STT3B: variants seen among roughly 807,000 people sequenced by gnomAD.
STT3B encodes the protein STT3 oligosaccharyltransferase complex catalytic subunit B.
A neutral mutation model predicts 96.8 loss-of-function variants in STT3B; 29 were observed. That is an observed-to-expected ratio of 0.30 (90% CI 0.22 to 0.41). The LOEUF (loss-of-function observed/expected upper bound fraction) is 0.41, where lower values mean the gene tolerates loss of function less well. Among genes scored for constraint, STT3B ranks in the 10% least tolerant of loss-of-function variants. The probability of loss-of-function intolerance (pLI) is 1.00; values close to 1 mark genes in which losing one functional copy is unlikely to be tolerated. For synonymous variants in STT3B, 367 were observed against 360.0 expected, an observed-to-expected ratio of 1.02 and a Z score of -0.22; for missense variants, 640 against 1,022.3, an observed-to-expected ratio of 0.63 and a Z score of 5.10.
At chr3:31,610,785 A>G (rs1398633930) in intron 5 of STT3B, among the ~76,000 whole-genome samples, 2 of 152,134 alleles carry the variant, frequency 1.3e-5, no homozygotes, top group Non-Finnish European at 2.9e-5. Context: ...ATAATAATAT[A>G]TGTGTGTGTA....
At chr3:31,540,313 A>G (rs1489951624) in intron 1 of STT3B, among the ~76,000 whole-genome samples, 1 of 152,008 alleles carries the variant, frequency 6.6e-6, no homozygotes, top group Non-Finnish European at 1.5e-5. Flanking sequence ...TTAAAACTTT[A>G]TTCTTTTTTA....
chr3:31,568,846 C>G (rs1191845727), intron 1 of STT3B, among the ~76,000 whole-genome samples: 2 of 152,116 alleles, frequency 1.3e-5, no homozygotes, highest in African/African-American at 4.8e-5. Flanking sequence ...GCAAAGGCAG[C>G]TCCTTGTGAC....
chr3:31,569,354 C>G (rs962224755), intron 1 of STT3B, among the ~76,000 whole-genome samples: 4 of 152,096 alleles, frequency 2.6e-5, no homozygotes, highest in Non-Finnish European at 5.9e-5. Context: ...AAAACATAAC[C>G]ATTTTTTTCC....
At chr3:31,587,267 A>AAAG (rs1553605105) in intron 3 of STT3B, among the ~76,000 whole-genome samples, 2 of 151,452 alleles carry the variant, frequency 1.3e-5, no homozygotes, top group South Asian at 2.1e-4. Flanking sequence ...TAACACTCCA[A>AAAG]AAAGCCTCGC....
chr3:31,592,194 T>C (rs1490155277), intron 3 of STT3B, among the ~76,000 whole-genome samples: 1 of 152,208 alleles, frequency 6.6e-6, no homozygotes, highest in Non-Finnish European at 1.5e-5. Context: ...ATACTTCACA[T>C]AGGTGGAATC....
chr3:31,592,526 A>G (rs994503706), intron 3 of STT3B, among the ~76,000 whole-genome samples: 1 of 152,138 alleles, frequency 6.6e-6, no homozygotes, highest in African/African-American at 2.4e-5. Flanking sequence ...TTTCCACAAC[A>G]GCAGTATCAT....
intron 1 of STT3B, among the ~76,000 whole-genome samples, chr3:31,563,165 A>G (rs2125445581): frequency 6.6e-6 from 1 of 152,188 alleles, no homozygotes; most frequent in Middle Eastern, 3.4e-3. Context: ...GTTCTCTCTC[A>G]GGTGATCTTT....
chr3:31,581,774 T>C (rs1698409198), intron 3 of STT3B, among the ~76,000 whole-genome samples: 1 of 152,188 alleles, frequency 6.6e-6, no homozygotes, highest in African/African-American at 2.4e-5. Context: ...TTAGTGTTGG[T>C]TCAGTTCTTT....
chr3:31,631,704 T>G (rs966347210), intron 14 of STT3B, among the ~76,000 whole-genome samples: 22 of 151,980 alleles, frequency 1.4e-4, no homozygotes, highest in Admixed American at 6.6e-5. Context: ...CCCAGAACTT[T>G]GGGAGGTTAG....
chr3:31,606,778 A>G (rs1165214055), intron 5 of STT3B, among the ~76,000 whole-genome samples: 2 of 152,200 alleles, frequency 1.3e-5, no homozygotes, highest in African/African-American at 4.8e-5. Flanking sequence ...GAAGAGAGCT[A>G]CCGTCTTCCA....
chr3:31,622,445 C>G, intron 10 of STT3B, 137 bp downstream of exon 10: 1 of 712,044 alleles, frequency 1.4e-6, no homozygotes, highest in Non-Finnish European at 2.3e-6. Context: ...TTGGTCTCCA[C>G]TGTTTGCCTC....
Position 31,625,932 on chromosome 3 carries a change from CATT to C in STT3B, c.1900-21_1900-19del. 1 of 1,549,072 alleles carries C rather than the reference CATT, an allele frequency of 6.5e-7. No individual in the cohort carries two copies. The highest frequency in any genetic ancestry group is 8.7e-7 in the Non-Finnish European group (1 of 1,149,488). ...ATGTGGGAATAATCAAAAACATTCT[CATT>C]TTTTTTTAAATTCTGCAGGTGGGAA... is the stretch of plus-strand genomic sequence containing the variant. On this transcript the variant is annotated intron_variant, in intron 12 of 15. Coordinates refer to ENST00000295770, the MANE Select transcript of STT3B (RefSeq NM_178862.3).
chr3:31,608,393 G>A (rs1317360642), intron 5 of STT3B, among the ~76,000 whole-genome samples: 1 of 150,784 alleles, frequency 6.6e-6, no homozygotes, highest in African/African-American at 2.4e-5. Flanking sequence ...TTTGCCAGTG[G>A]ATATTTTAGA....
At chr3:31,580,988 T>C (rs1354394126) in intron 3 of STT3B, among the ~76,000 whole-genome samples, 8 of 151,860 alleles carry the variant, frequency 5.3e-5, no homozygotes, top group African/African-American at 1.2e-4. Flanking sequence ...GAATGCCTTT[T>C]AATAAACTAT....
chr3:31,556,401 C>G (rs528288211), intron 1 of STT3B, among the ~76,000 whole-genome samples: 1 of 152,286 alleles, frequency 6.6e-6, no homozygotes, highest in Non-Finnish European at 1.5e-5. Flanking sequence ...AATTTCTTCT[C>G]CTTTGGATAA....
chr3:31,563,256 T>C (rs1317869332), intron 1 of STT3B, among the ~76,000 whole-genome samples: 1 of 152,252 alleles, frequency 6.6e-6, no homozygotes, highest in Non-Finnish European at 1.5e-5. Flanking sequence ...CATTGATTTT[T>C]ATTGGTTTTG....
intron 3 of STT3B, among the ~76,000 whole-genome samples, chr3:31,589,928 T>A (rs1363201704): frequency 2.0e-5 from 3 of 152,000 alleles, no homozygotes; most frequent in African/African-American, 7.2e-5. Context: ...CTCGTAGGAT[T>A]GGTATTACTT....
At chr3:31,615,263 T>C in intron 6 of STT3B, 60 bp downstream of exon 6, 1 of 1,238,788 alleles carries the variant, frequency 8.1e-7, no homozygotes, top group Non-Finnish European at 1.1e-6. Flanking sequence ...ATTGGCAGTC[T>C]TCCAAGAGAT....
intron 1 of STT3B, among the ~76,000 whole-genome samples, chr3:31,570,086 C>G (rs1361343343): frequency 6.6e-6 from 1 of 151,276 alleles, no homozygotes; most frequent in Admixed American, 6.6e-5. Context: ...ATAACACTCT[C>G]CTTTCAGCTA....
Sources: allele counts gnomAD v4.1 joint callset (sites outside exome capture counted in the v4.1 genomes callset), GRCh38; gene constraint gnomAD v4.1.1; transcripts MANE v1.5; gene names NCBI Gene and HGNC (gene_info 2026-07-23, HGNC 2026-07-21).